Variants in PRSS23 observed in about 807,000 individuals in gnomAD.
PRSS23 encodes serine protease 23.
In PRSS23, 25 loss-of-function variants were observed where a neutral mutation model predicts 34.7. The ratio of observed to expected loss-of-function variants is 0.72; its 90% confidence interval spans 0.53 to 1.01. The LOEUF is 1.01. Ranked by LOEUF, PRSS23 falls within the 50% of genes least tolerant of loss-of-function variation. PRSS23 has a pLI of 0.00. For synonymous variants in PRSS23, 176 were observed against 186.6 expected (o/e 0.94, Z 0.46); for missense variants, 445 against 475.6 (o/e 0.94, Z 0.60).
At position 86,842,776 on chromosome 11, in the gene PRSS23, G is replaced by A. The variant is rs184591709; in HGVS notation, c.206+19183G>A. Among the ~76,000 whole-genome samples, 217 of 152,216 alleles carry A rather than the reference G, an allele frequency of 1.4e-3. 1 individual carries two copies. Among genetic ancestry groups the A allele is most frequent in the African/African-American group, 4.8e-3 (200 of 41,530 alleles). On this transcript the variant is annotated intron_variant, in intron 2 of 2. Coordinates refer to the PRSS23 transcript ENST00000533902. The stretch of plus-strand genomic sequence containing the variant: ...ACTGCTCAACGAAATAAAAGAGGAC[G>A]CCAAGAAACGGAAGAACATTCCATG...
chr11:86,862,923 G>A (rs1948625977), intron 2 of PRSS23, among the ~76,000 whole-genome samples: 1 of 151,966 alleles, frequency 6.6e-6, no homozygotes, highest in Non-Finnish European at 1.5e-5. Flanking sequence ...TGTACACCCA[G>A]TGATATGATT....
At position 86,927,658 on chromosome 11, in the gene PRSS23, T is replaced by C. The variant is rs1443002115; in HGVS notation, c.207-23558T>C. 2.6e-5 allele frequency among the ~76,000 whole-genome samples: 4 copies of C among 152,268 alleles called. No homozygotes were observed. The South Asian group carries it at 8.3e-4, about 32-fold the overall frequency. ...CACTGTGCCCGGCCTTACCTTCTAA[T>C]TTTTAGTGACATCTTCTTTTCCTTT... On this transcript the variant is annotated intron_variant, in intron 2 of 2. Transcript: ENST00000533902.
At chr11:86,839,094 A>C in intron 2 of PRSS23, among the ~76,000 whole-genome samples, 1 of 152,140 alleles carries the variant, frequency 6.6e-6, no homozygotes, top group East Asian at 1.9e-4. Context: ...TCTCCTCCAA[A>C]GGATTGCAGC....
At chr11:86,829,871 G>A (rs930001470) in intron 2 of PRSS23, among the ~76,000 whole-genome samples, 2 of 152,158 alleles carry the variant, frequency 1.3e-5, no homozygotes, top group Non-Finnish European at 2.9e-5. Flanking sequence ...AGGAGTACTT[G>A]GCCGTGTGAG....
upstream of PRSS23, chr11:86,800,527 C>T: frequency 2.0e-6 from 2 of 984,576 alleles, no homozygotes; most frequent in Middle Eastern, 5.2e-4. Flanking sequence ...GCCTGCGCTG[C>T]TCGCCAGCTT....
At chr11:86,831,821 C>T (rs902880077) in intron 2 of PRSS23, among the ~76,000 whole-genome samples, 6 of 151,958 alleles carry the variant, frequency 3.9e-5, no homozygotes, top group Non-Finnish European at 5.9e-5. Flanking sequence ...CGGGTATACA[C>T]CCTGTCATAT....
chr11:86,845,178 A>G (rs1330652422), intron 2 of PRSS23, among the ~76,000 whole-genome samples: 15 of 152,250 alleles, frequency 9.9e-5, no homozygotes, highest in African/African-American at 3.4e-4. Flanking sequence ...TTCAATAATT[A>G]ACATAGATTT....
chr11:86,941,305 A>G (rs563953875), intron 2 of PRSS23, among the ~76,000 whole-genome samples: 1 of 152,348 alleles, frequency 6.6e-6, no homozygotes, highest in Admixed American at 6.5e-5. Flanking sequence ...AAGAAATTAC[A>G]TAGTAAGTGT....
chr11:86,828,467 T>C (rs988648081), intron 2 of PRSS23, among the ~76,000 whole-genome samples: 2 of 152,192 alleles, frequency 1.3e-5, no homozygotes, highest in Non-Finnish European at 2.9e-5. Flanking sequence ...GTCTGTGTCT[T>C]TTAATTGGAG....
chr11:86,817,497 T>G (rs1245326813), intron 1 of PRSS23, among the ~76,000 whole-genome samples: 1 of 152,236 alleles, frequency 6.6e-6, no homozygotes, highest in Non-Finnish European at 1.5e-5. Flanking sequence ...TTCTGGCTCA[T>G]GGATTGTCAC....
Position 86,800,876 on chromosome 11 carries a change from G to A in PRSS23, c.-14+225G>A, listed in dbSNP as rs373599628. ...GCTGCAGGTCATTTGGATTCATGCAGTGTCACCCATGAAACGGATGGGGAA... is the reference window on the plus strand; with the variant it reads ...GCTGCAGGTCATTTGGATTCATGCAATGTCACCCATGAAACGGATGGGGAA... On this transcript the variant is annotated intron_variant, in intron 1 of 1. Coordinates refer to ENST00000280258, the MANE Select transcript of PRSS23 (RefSeq NM_007173.6). 1.2e-4 allele frequency among the ~76,000 whole-genome samples: 19 copies of A among 152,280 alleles called. No individual in the cohort carries two copies. The South Asian group carries it at 2.7e-3, about 22-fold the overall frequency.
chr11:86,804,932 T>TC (rs1301683167), intron 1 of PRSS23, among the ~76,000 whole-genome samples: 13 of 152,144 alleles, frequency 8.5e-5, no homozygotes, highest in Non-Finnish European at 1.6e-4. Flanking sequence ...CTACTCTTTC[T>TC]CCCCCAAGAA....
chr11:86,841,532 C>A (rs1181821410), intron 2 of PRSS23, among the ~76,000 whole-genome samples: 1 of 151,706 alleles, frequency 6.6e-6, no homozygotes, highest in Admixed American at 6.6e-5. Flanking sequence ...CAACACAGAC[C>A]GCTAGCAAGA....
chr11:86,817,748 G>A (rs1948224298), intron 1 of PRSS23, among the ~76,000 whole-genome samples: 1 of 152,182 alleles, frequency 6.6e-6, no homozygotes, highest in African/African-American at 2.4e-5. Flanking sequence ...AGCATGTATT[G>A]AGTACCTGTA....
intron 2 of PRSS23, among the ~76,000 whole-genome samples, chr11:86,844,515 T>C: frequency 6.6e-6 from 1 of 152,100 alleles, no homozygotes; most frequent in Non-Finnish European, 1.5e-5. Context: ...TCTAAGAACA[T>C]TTTGGTTTAC....
At position 86,791,544 on chromosome 11, in the gene PRSS23, G is replaced by C. The variant is rs1285056791; in HGVS notation, c.-14+349G>C. ...ATTGGTGCCATTTCCAGTGATGGCT[G>C]TGAGGCACTTTTCACAAGCTCACTT... On this transcript the variant is annotated intron_variant, in intron 1 of 1. Coordinates refer to the PRSS23 transcript ENST00000527521. Among the ~76,000 whole-genome samples, 5 of 152,342 alleles carry C rather than the reference G, an allele frequency of 3.3e-5. No individual in the cohort carries two copies. The East Asian group carries it at 7.7e-4, about 23-fold the overall frequency.
chr11:86,839,254 G>A (rs1948429928), intron 2 of PRSS23, among the ~76,000 whole-genome samples: 1 of 152,178 alleles, frequency 6.6e-6, no homozygotes, highest in Admixed American at 6.5e-5. Flanking sequence ...TTGAAAAAAG[G>A]TTAGACGAGT....
intron 2 of PRSS23, among the ~76,000 whole-genome samples, chr11:86,829,418 A>G (rs1427567894): frequency 2.0e-5 from 3 of 152,218 alleles, no homozygotes; most frequent in Non-Finnish European, 2.9e-5. Flanking sequence ...AAAGTTTTCA[A>G]CTTCTTTGCC....
chr11:86,834,151 A>T (rs922279854), intron 2 of PRSS23, among the ~76,000 whole-genome samples: 11 of 152,208 alleles, frequency 7.2e-5, no homozygotes, highest in Non-Finnish European at 1.5e-5. Context: ...GGCACACTTC[A>T]CAGGCCCTGA....
Sources: allele counts gnomAD v4.1 joint callset (sites outside exome capture counted in the v4.1 genomes callset), GRCh38; gene constraint gnomAD v4.1.1; transcripts MANE v1.5; gene names NCBI Gene and HGNC (gene_info 2026-07-23, HGNC 2026-07-21).